Variants in DOCK2 observed in about 807,000 individuals in gnomAD.
DOCK2 encodes the protein dedicator of cytokinesis protein 2.
DOCK2 carries 87 observed loss-of-function variants against 248.9 expected under a neutral mutation model. The ratio of observed to expected loss-of-function variants is 0.35; its 90% CI spans 0.29 to 0.42. DOCK2 has a LOEUF of 0.42. DOCK2 is among the 10% of genes least tolerant of loss of function. DOCK2 has a pLI of 1.00. For synonymous variants in DOCK2, 805 were observed against 821.6 expected, an observed-to-expected ratio of 0.98 and a Z score of 0.35; for missense variants, 1,747 against 2,300.2, an observed-to-expected ratio of 0.76 and a Z score of 4.92.
intron 25 of DOCK2, among the ~76,000 whole-genome samples, chr5:169,783,439 T>A (rs1765818271): frequency 6.6e-6 from 1 of 152,204 alleles, no homozygotes. Context: ...GGCTTCTTGA[T>A]CTGTAAAATC....
chr5:169,816,203 C>T lies in DOCK2; in HGVS notation c.2703+12997C>T, dbSNP rs111759319. Among the ~76,000 whole-genome samples the T allele has an allele frequency of 2.9e-3, 447 of 152,164 alleles. 4 individuals are homozygous for T. The highest frequency in any genetic ancestry group is 9.8e-3 in the African/African-American group (408 of 41,500). On this transcript the variant is annotated intron_variant, in intron 26 of 51. Coordinates refer to ENST00000520908, the MANE Select transcript of DOCK2 (RefSeq NM_004946.3). The stretch of plus-strand genomic sequence containing the variant: ...GAAATGAGTTAAGTGAGGGAGGAGG[C>T]GCCCTGTTTTTAAGGATGCATTTGA...
intron 27 of DOCK2, among the ~76,000 whole-genome samples, chr5:169,971,750 ATGGCATCC>A (rs1777516746): frequency 6.6e-6 from 1 of 152,256 alleles, no homozygotes; most frequent in South Asian, 2.1e-4. Context: ...AGGTGCCTGC[ATGGCATCC>A]TATTACCTAC....
At chr5:169,973,811 T>TTACTTTAC (rs1169479927) in intron 27 of DOCK2, among the ~76,000 whole-genome samples, 2 of 152,222 alleles carry the variant, frequency 1.3e-5, no homozygotes, top group Non-Finnish European at 1.5e-5. Flanking sequence ...CTTTACCAAT[T>TTACTTTAC]GGTCTATCTG....
chr5:169,782,142 G>A (rs951239888), intron 25 of DOCK2, among the ~76,000 whole-genome samples: 6 of 152,124 alleles, frequency 3.9e-5, no homozygotes, highest in Admixed American at 1.3e-4. Context: ...GGACTACAGC[G>A]AGTTGCAAAT....
chr5:169,767,418 T>G (rs1488754977), intron 25 of DOCK2, among the ~76,000 whole-genome samples: 1 of 152,214 alleles, frequency 6.6e-6, no homozygotes, highest in Non-Finnish European at 1.5e-5. Flanking sequence ...TTTATTCTAG[T>G]GGTTATTACT....
At chr5:169,722,583 G>A (rs1762269114) in intron 22 of DOCK2, among the ~76,000 whole-genome samples, 1 of 152,200 alleles carries the variant, frequency 6.6e-6, no homozygotes, top group Admixed American at 6.5e-5. Flanking sequence ...GATTGAATCA[G>A]CCTCTCTGAG....
intron 22 of DOCK2, among the ~76,000 whole-genome samples, chr5:169,741,008 G>A (rs1763276403): frequency 6.6e-6 from 1 of 151,952 alleles, no homozygotes; most frequent in Non-Finnish European, 1.5e-5. Flanking sequence ...GCTAATTTTT[G>A]TATTTTTTTG....
At chr5:170,065,783 C>G (rs59715947) in intron 44 of DOCK2, among the ~76,000 whole-genome samples, 77,204 of 151,454 alleles carry the variant, frequency 0.51, 20,113 homozygotes, top group East Asian at 0.65. Context: ...CCCACTAAGT[C>G]CCTCCTACAA....
chr5:170,040,998 C>A, intron 36 of DOCK2, 57 bp from the exon 37 acceptor site: 1 of 1,499,262 alleles, frequency 6.7e-7, no homozygotes, highest in Non-Finnish European at 9.3e-7. Context: ...CTTGTCCCTG[C>A]CAGGTGTCTC....
At chr5:169,873,425 C>G (rs1021399914) in intron 27 of DOCK2, among the ~76,000 whole-genome samples, 1 of 152,210 alleles carries the variant, frequency 6.6e-6, no homozygotes, top group Admixed American at 6.5e-5. Context: ...CACGGCCCAG[C>G]ATTTGAAATA....
intron 26 of DOCK2, among the ~76,000 whole-genome samples, chr5:169,819,267 G>A (rs1768266038): frequency 6.6e-6 from 1 of 152,112 alleles, no homozygotes; most frequent in Non-Finnish European, 1.5e-5. Flanking sequence ...CCAAGATCAC[G>A]CCATTGCACT....
chr5:169,923,478 C>T (rs531168845), intron 27 of DOCK2, among the ~76,000 whole-genome samples: 3 of 113,106 alleles, frequency 2.7e-5, no homozygotes, highest in East Asian at 5.8e-4. Flanking sequence ...TGTGCATGCA[C>T]GTGGGCACAC....
At chr5:169,979,460 G>A (rs1009556019) in intron 27 of DOCK2, among the ~76,000 whole-genome samples, 16 of 152,166 alleles carry the variant, frequency 1.1e-4, no homozygotes, top group African/African-American at 2.9e-4. Flanking sequence ...TGATTCTATC[G>A]CTGTATGACA....
intron 22 of DOCK2, among the ~76,000 whole-genome samples, chr5:169,727,166 A>G (rs1324047883): frequency 6.6e-6 from 1 of 152,188 alleles, no homozygotes; most frequent in Admixed American, 6.5e-5. Context: ...GTGAAATAGA[A>G]CTTCCAATGA....
chr5:169,835,203 A>G (rs761146761), intron 26 of DOCK2, among the ~76,000 whole-genome samples: 1 of 151,748 alleles, frequency 6.6e-6, no homozygotes, highest in Non-Finnish European at 1.5e-5. Context: ...GAGGGAGGAG[A>G]AATGGGAAGG....
chr5:169,657,598 AT>A (rs1758195679), intron 2 of DOCK2, among the ~76,000 whole-genome samples: 1 of 152,142 alleles, frequency 6.6e-6, no homozygotes, highest in Admixed American at 6.5e-5. Flanking sequence ...AAGCAGTGTG[AT>A]TTTTTTCCTC....
chr5:169,855,112 A>G lies in DOCK2; in HGVS notation c.2799+14260A>G, dbSNP rs191344529. 4.0e-4 allele frequency among the ~76,000 whole-genome samples: 61 copies of G among 152,328 alleles called. 1 individual carries two copies. The highest frequency in any genetic ancestry group is 3.2e-3 in the Admixed American group (49 of 15,292). On this transcript the variant is annotated intron_variant, in intron 27 of 51. Coordinates refer to ENST00000520908, the MANE Select transcript of DOCK2 (RefSeq NM_004946.3). ...TCTGACAGATTACTTATCTCCCCCTAAGCCTCCATTTGCTCTTCTGGAAAA... is the reference window on the plus strand; with the variant it reads ...TCTGACAGATTACTTATCTCCCCCTGAGCCTCCATTTGCTCTTCTGGAAAA...
At chr5:169,858,123 A>G (rs1770993162) in intron 27 of DOCK2, among the ~76,000 whole-genome samples, 1 of 152,242 alleles carries the variant, frequency 6.6e-6, no homozygotes. Flanking sequence ...TATTTCTGCA[A>G]TGAGTATTTA....
intron 32 of DOCK2, among the ~76,000 whole-genome samples, chr5:170,010,769 A>G (rs1428815567): frequency 6.6e-6 from 1 of 152,244 alleles, no homozygotes; most frequent in Admixed American, 6.5e-5. Flanking sequence ...AGGCTGGAGA[A>G]AGCTGTGGCG....
Sources: gnomAD v4.1 joint callset for allele counts (sites outside exome capture counted in the v4.1 genomes callset) on GRCh38, gnomAD v4.1.1 for gene constraint, MANE v1.5 for transcripts, NCBI Gene and HGNC (gene_info 2026-07-23, HGNC 2026-07-21) for gene names.